The following ATXN1 variants were observed in gnomAD, a reference collection of about 807,000 sequenced individuals.
ATXN1 encodes the protein ataxin 1.
A neutral mutation model predicts 56.4 loss-of-function variants in ATXN1; 8 were observed. The ratio of observed to expected loss-of-function variants is 0.14; its 90% confidence interval spans 0.08 to 0.26. The LOEUF (loss-of-function observed/expected upper bound fraction) is 0.26. ATXN1 is among the 10% of genes least tolerant of loss of function. ATXN1 has a pLI of 1.00. For missense variants in ATXN1, 987 were observed against 1,106.5 expected (o/e 0.89, Z 1.53); for synonymous variants, 514 against 494.6 (o/e 1.04, Z -0.52).
chr6:16,367,490 T>C (rs569652952), intron 6 of ATXN1, among the ~76,000 whole-genome samples: 1 of 152,288 alleles, frequency 6.6e-6, no homozygotes, highest in African/African-American at 2.4e-5. Flanking sequence ...CAGTTGAAGT[T>C]GTCTGATTTG....
intron 2 of ATXN1, among the ~76,000 whole-genome samples, chr6:16,680,479 T>G (rs1047423124): frequency 1.3e-5 from 2 of 152,262 alleles, no homozygotes; most frequent in African/African-American, 2.4e-5. Flanking sequence ...ATTAACAAAC[T>G]GAGATACTAA....
chr6:16,453,790 T>C (rs898550723), intron 6 of ATXN1, among the ~76,000 whole-genome samples: 1 of 152,104 alleles, frequency 6.6e-6, no homozygotes, highest in African/African-American at 2.4e-5. Context: ...TTTCTAATTC[T>C]GGAAAATGAG....
chr6:16,386,938 C>T (rs1398445218), intron 6 of ATXN1, among the ~76,000 whole-genome samples: 1 of 152,164 alleles, frequency 6.6e-6, no homozygotes. Flanking sequence ...TCCCAAAGTG[C>T]TAGGATTACA....
At chr6:16,718,667 G>GC (rs1759686074) in intron 2 of ATXN1, among the ~76,000 whole-genome samples, 1 of 152,250 alleles carries the variant, frequency 6.6e-6, no homozygotes, top group Non-Finnish European at 1.5e-5. Flanking sequence ...AACAGCTACA[G>GC]TGGAGACCAT....
rs115645304 is a variant in ATXN1, at chr6:16,373,239, C to T, written c.-160-44769G>A. Among the ~76,000 whole-genome samples, 152 of 152,314 alleles carry T rather than the reference C, an allele frequency of 1.0e-3. 2 individuals carry two copies. The highest frequency in any genetic ancestry group is 4.6e-3 in the South Asian group (22 of 4,832). On this transcript the variant is annotated intron_variant, in intron 6 of 7. Transcript: ENST00000436367. Reference sequence around the variant, plus strand: ...TTATGGTTCAATGGTATGGTTTCTCCGTATAAACGTCCTGGCCACCATTTA... The same window carrying T: ...TTATGGTTCAATGGTATGGTTTCTCTGTATAAACGTCCTGGCCACCATTTA...
chr6:16,544,391 G>A (rs544357697), intron 4 of ATXN1, among the ~76,000 whole-genome samples: 10 of 152,206 alleles, frequency 6.6e-5, no homozygotes, highest in South Asian at 2.1e-4. Context: ...GTCTTTATCC[G>A]CAGGTCGGGA....
chr6:16,583,483 T>C (rs1170378553), intron 4 of ATXN1, among the ~76,000 whole-genome samples: 1 of 152,208 alleles, frequency 6.6e-6, no homozygotes, highest in Non-Finnish European at 1.5e-5. Context: ...CGGGGGGGTC[T>C]CTTCATCTAC....
At chr6:16,754,744 G>A (rs72827836) in intron 1 of ATXN1, 1 of 152,274 alleles carries the variant, frequency 6.6e-6, no homozygotes, top group Non-Finnish European at 1.5e-5. Context: ...CCCCACATGT[G>A]ATCTGTGCGT....
intron 6 of ATXN1, among the ~76,000 whole-genome samples, chr6:16,444,032 C>G (rs1035830563): frequency 6.6e-6 from 1 of 151,364 alleles, no homozygotes; most frequent in Non-Finnish European, 1.5e-5. Flanking sequence ...AGGAGAATGG[C>G]GTGAACCTGG....
At chr6:16,706,053 T>C (rs1224277926) in intron 2 of ATXN1, among the ~76,000 whole-genome samples, 3 of 152,084 alleles carry the variant, frequency 2.0e-5, no homozygotes, top group African/African-American at 7.2e-5. Flanking sequence ...CCTACCAAAC[T>C]GCTTATTGCT....
chr6:16,394,595 T>A (rs903066645), intron 6 of ATXN1, among the ~76,000 whole-genome samples: 1 of 152,222 alleles, frequency 6.6e-6, no homozygotes, highest in Admixed American at 6.5e-5. Flanking sequence ...TTTTCTGCAG[T>A]CTTCTCTTAA....
chr6:16,621,230 C>T (rs1057228443), intron 3 of ATXN1, among the ~76,000 whole-genome samples: 1 of 152,210 alleles, frequency 6.6e-6, no homozygotes, highest in Non-Finnish European at 1.5e-5. Flanking sequence ...TGCATCCTTC[C>T]TTCTTGACAC....
At chr6:16,690,115 G>C (rs1759015276) in intron 2 of ATXN1, among the ~76,000 whole-genome samples, 1 of 152,022 alleles carries the variant, frequency 6.6e-6, no homozygotes, top group Non-Finnish European at 1.5e-5. Flanking sequence ...CTTAGAGACG[G>C]GGTCTCACTA....
chr6:16,746,664 C>T (rs1395152377), intron 2 of ATXN1, among the ~76,000 whole-genome samples: 1 of 152,146 alleles, frequency 6.6e-6, no homozygotes, highest in African/African-American at 2.4e-5. Context: ...AGGAAGTATT[C>T]AGGTATGAAA....
chr6:16,657,092 T>A (rs1439539439), intron 3 of ATXN1, among the ~76,000 whole-genome samples: 2 of 74,636 alleles, frequency 2.7e-5, no homozygotes, highest in African/African-American at 2.4e-4. Flanking sequence ...CACGCCATTC[T>A]GCTGCCTCAG....
chr6:16,761,248 A>C (rs1467704644), intron 1 of ATXN1, 50 bp downstream of exon 1: 2 of 414,852 alleles, frequency 4.8e-6, no homozygotes. Context: ...GGAGAAGGGA[A>C]TGGGGGAGGG....
At chr6:16,374,832 T>C (rs2113496398) in intron 6 of ATXN1, among the ~76,000 whole-genome samples, 1 of 152,362 alleles carries the variant, frequency 6.6e-6, no homozygotes, top group South Asian at 2.1e-4. Context: ...AACACAGAAT[T>C]GCTGCAGAGT....
intron 7 of ATXN1, among the ~76,000 whole-genome samples, chr6:16,316,858 T>A (rs1401730690): frequency 7.2e-6 from 1 of 139,422 alleles, no homozygotes; most frequent in Non-Finnish European, 1.5e-5. Context: ...ATAGAGAGAC[T>A]GCCTGTCTTT....
At chr6:16,470,006 G>T (rs904826878) in intron 6 of ATXN1, among the ~76,000 whole-genome samples, 1 of 151,146 alleles carries the variant, frequency 6.6e-6, no homozygotes, top group Non-Finnish European at 1.5e-5. Flanking sequence ...TGGTTTCAAA[G>T]AGTTTCAAAG....
Sources: allele counts gnomAD v4.1 joint callset (sites outside exome capture counted in the v4.1 genomes callset), GRCh38; gene constraint gnomAD v4.1.1; transcripts MANE v1.5; gene names NCBI Gene and HGNC (gene_info 2026-07-23, HGNC 2026-07-21).